FCHO2: variants seen among roughly 807,000 people sequenced by gnomAD.
FCHO2 encodes FCH and mu domain containing endocytic adaptor 2, also known as F-BAR domain only protein 2.
In FCHO2, 43 loss-of-function variants were observed where a neutral mutation model predicts 114.1. The ratio of observed to expected loss-of-function variants is 0.38; its 90% CI spans 0.30 to 0.49. The LOEUF is 0.49. Among genes scored for constraint, FCHO2 ranks in the 20% least tolerant of loss-of-function variants. The probability of loss-of-function intolerance (pLI) is 0.97; values close to 1 mark genes in which losing one functional copy is unlikely to be tolerated. For missense variants in FCHO2, 807 were observed against 950.4 expected (o/e 0.85, Z 1.98); for synonymous variants, 293 against 315.2 (o/e 0.93, Z 0.75).
chr5:73,016,889 G>GT (rs1211999033), intron 7 of FCHO2, among the ~76,000 whole-genome samples: 2 of 151,568 alleles, frequency 1.3e-5, no homozygotes, highest in African/African-American at 4.8e-5. Flanking sequence ...CTGTGTGTGT[G>GT]TTTTTTTTAA....
chr5:72,966,937 A>C (rs1752234631), intron 1 of FCHO2, among the ~76,000 whole-genome samples: 1 of 152,248 alleles, frequency 6.6e-6, no homozygotes, highest in Non-Finnish European at 1.5e-5. Context: ...GATTCATAGG[A>C]TTAAACAACA....
intron 11 of FCHO2, among the ~76,000 whole-genome samples, chr5:73,047,687 G>A (rs747082859): frequency 2.6e-5 from 4 of 151,712 alleles, no homozygotes; most frequent in Non-Finnish European, 5.9e-5. Context: ...AACTGTCATA[G>A]TGTTTATATA....
At chr5:73,042,673 C>G (rs1048607807) in intron 11 of FCHO2, among the ~76,000 whole-genome samples, 2 of 152,126 alleles carry the variant, frequency 1.3e-5, no homozygotes, top group East Asian at 3.9e-4. Flanking sequence ...TTATCAGAGA[C>G]TGGCAGAGCA....
At position 73,021,309 on chromosome 5, in the gene FCHO2, G is replaced by A. The variant is rs914347681; in HGVS notation, c.796+4001G>A. The A allele has an allele frequency of 2.0e-5, 9 of 445,580 alleles. No homozygotes were observed. In the East Asian group the frequency reaches 2.4e-4, roughly 12 times the overall value. The allele number at this position is 445,580 out of a possible 1,614,324, so 27.6% of individuals were successfully genotyped here. A position where few individuals can be genotyped will look rare whatever the true frequency, so the allele number is the denominator to read the frequency against. ...ACTGGGGAGCTCCTATGGGTGCAGCGGTGCCAGAAGTGATGGCGACAGGAG... is the reference window on the plus strand; with the variant it reads ...ACTGGGGAGCTCCTATGGGTGCAGCAGTGCCAGAAGTGATGGCGACAGGAG... On this transcript the variant is annotated intron_variant, in intron 8 of 25. Coordinates refer to ENST00000430046, the MANE Select transcript of FCHO2 (RefSeq NM_138782.3).
intron 8 of FCHO2, among the ~76,000 whole-genome samples, chr5:73,025,447 C>T (rs1009658916): frequency 6.7e-6 from 1 of 149,152 alleles, no homozygotes; most frequent in Non-Finnish European, 1.5e-5. Context: ...GGCATGATCT[C>T]GGCTCACTGC....
At chr5:73,025,257 G>A (rs2112770259) in intron 8 of FCHO2, among the ~76,000 whole-genome samples, 1 of 152,172 alleles carries the variant, frequency 6.6e-6, no homozygotes, top group Middle Eastern at 3.4e-3. Flanking sequence ...TGCCCAGGCT[G>A]GAGTGCAATG....
chr5:73,074,688 TATTTA>T lies in FCHO2; in HGVS notation c.1580-48_1580-44del, dbSNP rs1053254118. On this transcript the variant is annotated intron_variant, in intron 19 of 25. Transcript: ENST00000430046. ...AACAATGTGAATCTAACTATCTTGA[TATTTA>T]ATTTATGTCTTTCTGAAGGATTTAA... The T allele has an allele frequency of 6.8e-6, 10 of 1,480,300 alleles. No individual in the cohort carries two copies. The African/African-American group carries it at 1.4e-4, about 21-fold the overall frequency. 91.7% of individuals were successfully genotyped at this position (1,480,300 alleles called of 1,614,324 possible). A position where few individuals can be genotyped will look rare whatever the true frequency, so the allele number is the denominator to read the frequency against.
chr5:73,019,484 T>G (rs1269678732), intron 8 of FCHO2, among the ~76,000 whole-genome samples: 1 of 152,110 alleles, frequency 6.6e-6, no homozygotes, highest in Non-Finnish European at 1.5e-5. Context: ...GAGGTTGCAG[T>G]GAGCCAAGAT....
rs571300109 is a variant in FCHO2, at chr5:72,964,568, A to G, written c.34-3930A>G. 8.5e-5 allele frequency among the ~76,000 whole-genome samples: 13 copies of G among 152,234 alleles called. No individual in the cohort carries two copies. In the East Asian group the frequency reaches 1.3e-3, roughly 16 times the overall value. Reference sequence around the variant, plus strand: ...CCTGGCAAATTTGTAAAATATTTTTAGTAGGGACGGGGTTTCACCATGTTG... The same window carrying G: ...CCTGGCAAATTTGTAAAATATTTTTGGTAGGGACGGGGTTTCACCATGTTG... On this transcript the variant is annotated intron_variant, in intron 1 of 25. Transcript: ENST00000430046.
At chr5:72,978,370 A>G (rs201936143) in intron 2 of FCHO2, among the ~76,000 whole-genome samples, 3 of 152,094 alleles carry the variant, frequency 2.0e-5, no homozygotes, top group East Asian at 1.9e-4. Flanking sequence ...TTTTGTGGCA[A>G]TTGTGAATGG....
In FCHO2 at chr5:73,077,509, G is replaced by A; in HGVS notation, c.1847+16G>A. On this transcript the variant is annotated intron_variant, in intron 21 of 25. Transcript: ENST00000430046. ...TTGTGTTCAGGTTTGTGTACTTTTT[G>A]TTTTGAAGGTTGAAATTTCGTTTTA... 1.3e-6 allele frequency: 2 copies of A among 1,574,952 alleles called. No homozygotes were observed. Among genetic ancestry groups the A allele is most frequent in the Middle Eastern group, 3.4e-4 (2 of 5,906 alleles).
chr5:73,050,387 C>T (rs1421665438), intron 11 of FCHO2, among the ~76,000 whole-genome samples: 2 of 151,614 alleles, frequency 1.3e-5, no homozygotes, highest in African/African-American at 4.9e-5. Context: ...GGCGTGATCT[C>T]GGCTGACTGC....
Position 73,090,312 on chromosome 5 carries a change from A to G in FCHO2, c.*2222A>G, listed in dbSNP as rs1046064. 0.14 allele frequency: 21,851 copies of G among 152,514 alleles called. 1,785 individuals carry two copies. The highest frequency in any genetic ancestry group is 0.35 in the East Asian group (1,792 of 5,172). The allele number at this position is 152,514 out of a possible 1,614,324, so 9.4% of individuals were successfully genotyped here. A position where few individuals can be genotyped will look rare whatever the true frequency, so the allele number is the denominator to read the frequency against. ...AGCTGGTTCTTGCTTATATATAGTG[A>G]TAAACTTTGTAGCTGCCTCTTTAAC... is the stretch of plus-strand genomic sequence containing the variant. On this transcript the variant is annotated 3_prime_UTR_variant, in exon 26 of 26. Coordinates refer to ENST00000430046, the MANE Select transcript of FCHO2 (RefSeq NM_138782.3).
intron 8 of FCHO2, among the ~76,000 whole-genome samples, chr5:73,027,388 G>A (rs530998392): frequency 6.3e-5 from 9 of 143,510 alleles, no homozygotes; most frequent in Admixed American, 2.1e-4. Flanking sequence ...TTTTTCCGGT[G>A]TTTTTGAAGA....
At chr5:73,037,093 G>A in intron 9 of FCHO2, 50 bp from the exon 10 acceptor site, 2 of 1,292,308 alleles carry the variant, frequency 1.5e-6, no homozygotes, top group Non-Finnish European at 2.1e-6. Context: ...AGTTTAATAT[G>A]TTTATCAGGA....
intron 1 of FCHO2, among the ~76,000 whole-genome samples, chr5:72,961,813 A>G (rs1320477168): frequency 6.6e-6 from 1 of 151,898 alleles, no homozygotes; most frequent in Admixed American, 6.6e-5. Flanking sequence ...CTGGTCTCGA[A>G]CTCCTGACCT....
intron 1 of FCHO2, among the ~76,000 whole-genome samples, chr5:72,957,296 G>C (rs1340662927): frequency 6.6e-6 from 1 of 152,070 alleles, no homozygotes; most frequent in Non-Finnish European, 1.5e-5. Flanking sequence ...TATGTTCATA[G>C]AGTTGTGTAA....
intron 5 of FCHO2, chr5:72,996,916 C>G: frequency 6.3e-7 from 1 of 1,586,310 alleles, no homozygotes; most frequent in Non-Finnish European, 8.5e-7. Context: ...CCAGGGTCAT[C>G]AGGATGATGC....
At chr5:73,049,328 C>A (rs1188783561) in intron 11 of FCHO2, among the ~76,000 whole-genome samples, 2 of 152,108 alleles carry the variant, frequency 1.3e-5, no homozygotes, top group Non-Finnish European at 2.9e-5. Context: ...CCTTTTATTT[C>A]TTTACTTTGA....
Sources: allele counts gnomAD v4.1 joint callset (sites outside exome capture counted in the v4.1 genomes callset), GRCh38; gene constraint gnomAD v4.1.1; transcripts MANE v1.5; gene names NCBI Gene and HGNC (gene_info 2026-07-23, HGNC 2026-07-21).